Variants in PAK3 observed in about 807,000 individuals in gnomAD.
The protein encoded by PAK3 is serine/threonine-protein kinase PAK 3.
In PAK3, 4 loss-of-function variants were observed where a neutral mutation model predicts 41.0. The observed-to-expected ratio is 0.10, with a 90% CI of 0.05 to 0.22. PAK3 has a LOEUF of 0.22. Among genes scored for constraint, PAK3 ranks in the 10% least tolerant of loss-of-function variants. The pLI, the probability that PAK3 is intolerant of heterozygous loss-of-function variation, is 1.00. For synonymous variants in PAK3, 146 were observed against 139.6 expected (o/e 1.05, Z -0.32); for missense variants, 205 against 409.9 (o/e 0.50, Z 4.32).
intron 1 of PAK3, among the ~76,000 whole-genome samples, chrX:110,969,884 T>C (rs1237139483): frequency 2.7e-5 from 3 of 112,363 alleles, no homozygotes; most frequent in African/African-American, 9.7e-5. Context: ...GGGATTTCTA[T>C]AGGAATAGTA....
At chrX:111,160,095 C>G (rs1436711875) in intron 8 of PAK3, among the ~76,000 whole-genome samples, 2 of 111,619 alleles carry the variant, frequency 1.8e-5, no homozygotes, top group Non-Finnish European at 3.8e-5. Flanking sequence ...AATGAAAATT[C>G]ATTGTCGGAT....
At chrX:111,082,772 C>T (rs2092844871) in intron 1 of PAK3, among the ~76,000 whole-genome samples, 1 of 111,858 alleles carries the variant, frequency 8.9e-6, no homozygotes, top group East Asian at 2.8e-4. Context: ...TTTTTCCTGA[C>T]AGATGATAGA....
At chrX:111,104,334 C>A (rs77068776) in intron 4 of PAK3, among the ~76,000 whole-genome samples, 3 of 109,112 alleles carry the variant, frequency 2.7e-5, no homozygotes, top group Admixed American at 1.9e-4. Flanking sequence ...AAAAAAAAAA[C>A]AGAAAAACTA....
intron 5 of PAK3, among the ~76,000 whole-genome samples, chrX:111,127,229 C>A (rs191507115): frequency 9.0e-5 from 10 of 111,531 alleles, no homozygotes; most frequent in African/African-American, 2.6e-4. Flanking sequence ...AGGATGACAT[C>A]ATGGTTTAGT....
intron 3 of PAK3, among the ~76,000 whole-genome samples, chrX:111,100,320 C>G (rs149723444): frequency 9.8e-4 from 109 of 111,453 alleles, no homozygotes; most frequent in African/African-American, 3.2e-3. Flanking sequence ...TTTTGGAATT[C>G]AGCACCCTAA....
At chrX:111,115,767 A>T (rs367730371) in intron 4 of PAK3, among the ~76,000 whole-genome samples, 1 of 111,611 alleles carries the variant, frequency 9.0e-6, no homozygotes, top group African/African-American at 3.3e-5. Context: ...TGCTAAATTG[A>T]TCTAAGTTCC....
intron 5 of PAK3, among the ~76,000 whole-genome samples, chrX:111,136,024 A>T (rs1407909915): frequency 9.0e-6 from 1 of 111,194 alleles, no homozygotes; most frequent in Admixed American, 9.5e-5. Context: ...CAGGAGTGAG[A>T]CAGGAGAAGA....
At chrX:111,033,462 C>G (rs1015608647) in intron 1 of PAK3, among the ~76,000 whole-genome samples, 1 of 112,072 alleles carries the variant, frequency 8.9e-6, no homozygotes, top group Admixed American at 9.5e-5. Context: ...ACCTTGCTGT[C>G]GCTGCTGACT....
chrX:111,060,527 A>T (rs1280921088), intron 1 of PAK3, among the ~76,000 whole-genome samples: 1 of 111,326 alleles, frequency 9.0e-6, no homozygotes, highest in Non-Finnish European at 1.9e-5. Context: ...TGTTTTGTAG[A>T]ATTCACCAGT....
At chrX:111,054,460 T>A (rs1359129180) in intron 1 of PAK3, among the ~76,000 whole-genome samples, 1 of 112,516 alleles carries the variant, frequency 8.9e-6, no homozygotes, top group African/African-American at 3.2e-5. Flanking sequence ...AAATCAGAGC[T>A]GTGTTGGATT....
chrX:111,058,517 T>C lies in PAK3; in HGVS notation c.-27-64560T>C, dbSNP rs184770906. On this transcript the variant is annotated intron_variant, in intron 1 of 14. Coordinates refer to the PAK3 transcript ENST00000425146. ...TGTTCATTCAGATATTTGCCATTTT[T>C]AATTGTGTTATCTTTCTTATGGAGT... 4.5e-5 allele frequency among the ~76,000 whole-genome samples: 5 copies of C among 111,898 alleles called. No individual in the cohort carries two copies. The East Asian group carries it at 1.4e-3, about 31-fold the overall frequency.
At chrX:111,133,684 A>C (rs904051852) in intron 5 of PAK3, among the ~76,000 whole-genome samples, 1 of 112,012 alleles carries the variant, frequency 8.9e-6, no homozygotes. Context: ...TGCTTGCCTC[A>C]TAGAACTAGT....
intron 1 of PAK3, among the ~76,000 whole-genome samples, chrX:111,019,602 A>T (rs968363401): frequency 1.0e-5 from 1 of 99,534 alleles, no homozygotes; most frequent in Non-Finnish European, 2.0e-5. Flanking sequence ...AGGTGGCAGA[A>T]TTGATTGAGC....
intron 5 of PAK3, among the ~76,000 whole-genome samples, chrX:111,138,154 G>T (rs1338593847): frequency 9.2e-6 from 1 of 108,861 alleles, no homozygotes; most frequent in African/African-American, 3.4e-5. Context: ...TCTGATATTT[G>T]CCAGCTGTGT....
intron 10 of PAK3, among the ~76,000 whole-genome samples, chrX:111,170,845 G>T (rs895127209): frequency 2.7e-5 from 3 of 111,579 alleles, no homozygotes; most frequent in African/African-American, 9.8e-5. Flanking sequence ...TGGAGAAAAA[G>T]AATAATATAA....
intron 4 of PAK3, among the ~76,000 whole-genome samples, chrX:111,119,151 G>A (rs1361826329): frequency 9.0e-6 from 1 of 111,425 alleles, no homozygotes; most frequent in Non-Finnish European, 1.9e-5. Context: ...GGGGTATTTA[G>A]GCTCTTTGCC....
At chrX:111,011,498 A>G (rs2092010534) in intron 1 of PAK3, among the ~76,000 whole-genome samples, 2 of 112,242 alleles carry the variant, frequency 1.8e-5, no homozygotes, top group African/African-American at 3.2e-5. Context: ...TTATCCCTCA[A>G]TGTAGACATG....
chrX:111,174,626 A>G (rs1166204415), intron 11 of PAK3, among the ~76,000 whole-genome samples: 1 of 112,068 alleles, frequency 8.9e-6, no homozygotes, highest in African/African-American at 3.2e-5. Context: ...GCTGTCTAAT[A>G]TGGTAGCCAC....
intron 1 of PAK3, among the ~76,000 whole-genome samples, chrX:111,061,951 A>T (rs2092659827): frequency 9.1e-6 from 1 of 110,216 alleles, no homozygotes; most frequent in Admixed American, 9.7e-5. Context: ...AGTAGCTGGG[A>T]CTACAGGCAC....
Sources: gnomAD v4.1 joint callset for allele counts (sites outside exome capture counted in the v4.1 genomes callset) on GRCh38, gnomAD v4.1.1 for gene constraint, MANE v1.5 for transcripts, NCBI Gene and HGNC (gene_info 2026-07-23, HGNC 2026-07-21) for gene names.